The following MAP2K5 variants were observed in gnomAD, a reference collection of about 807,000 sequenced individuals.
The protein encoded by MAP2K5 is dual specificity mitogen-activated protein kinase kinase 5.
A neutral mutation model predicts 83.1 loss-of-function variants in MAP2K5; 49 were observed. The observed-to-expected ratio is 0.59, with a 90% CI of 0.47 to 0.75. MAP2K5 has a LOEUF of 0.75. MAP2K5 is among the 30% of genes least tolerant of loss of function. The pLI is 0.00. For synonymous variants in MAP2K5, 202 were observed against 191.8 expected, an observed-to-expected ratio of 1.05 and a Z score of -0.44; for missense variants, 457 against 557.5, an observed-to-expected ratio of 0.82 and a Z score of 1.82.
rs756483769 is a variant in MAP2K5, at chr15:67,769,619, A to C, written c.1152A>C (p.Pro384=). 6.2e-7 allele frequency: 1 copy of C among 1,613,750 alleles called. No homozygotes were observed. Reference sequence around the variant, plus strand: ...CATCACAGGATTCGCCCGTCCTTCCAGTTGGAGAGTTCTCGGAGCCATTTG... The same window carrying C: ...CATCACAGGATTCGCCCGTCCTTCCCGTTGGAGAGTTCTCGGAGCCATTTG... ...CIVDEDSPVL[P]VGEFSEPFVH... Residue 384 remains proline (P), a synonymous_variant, in exon 20 of 22, where the codon CCA becomes CCC. Transcript: ENST00000178640. The surrounding 1 kb of genome is among the most constrained non-coding windows in gnomAD (Gnocchi z 5.2).
intron 21 of MAP2K5, among the ~76,000 whole-genome samples, chr15:67,799,940 G>T (rs536009416): frequency 6.6e-6 from 1 of 152,188 alleles, no homozygotes; most frequent in Non-Finnish European, 1.5e-5. Flanking sequence ...CACGCAGAGT[G>T]GGGGGCGGTG....
chr15:67,737,921 G>A (rs1340616180), intron 17 of MAP2K5, among the ~76,000 whole-genome samples: 4 of 116,832 alleles, frequency 3.4e-5, no homozygotes, highest in Non-Finnish European at 6.5e-5. Context: ...GCATGATCTT[G>A]GCTCACTGCA....
intron 11 of MAP2K5, among the ~76,000 whole-genome samples, chr15:67,649,699 G>A (rs2086909050): frequency 6.6e-6 from 1 of 151,926 alleles, no homozygotes; most frequent in African/African-American, 2.4e-5. Context: ...GTCTATCTTT[G>A]TACCAGTACC....
At position 67,637,641 on chromosome 15, in the gene MAP2K5, C is replaced by T. The variant is rs1596697979; in HGVS notation, c.585+6714C>T. On this transcript the variant is annotated intron_variant, in intron 9 of 21. Transcript: ENST00000178640. This position sits in a 1 kb window ranked among gnomAD's most constrained non-coding sequence, Gnocchi z 4.5. ...TCAGCTGAAGACTCCAGGACCCCCT[C>T]GGCAGACCTCTGGAGCTCTCTCCCT... 6.6e-6 allele frequency among the ~76,000 whole-genome samples: 1 copy of T among 152,164 alleles called. No individual in the cohort carries two copies. Among genetic ancestry groups the T allele is most frequent in the East Asian group, 1.9e-4 (1 of 5,190 alleles).
intron 21 of MAP2K5, among the ~76,000 whole-genome samples, chr15:67,797,795 G>T (rs754571350): frequency 6.6e-6 from 1 of 152,038 alleles, no homozygotes; most frequent in Non-Finnish European, 1.5e-5. Context: ...CAGTTCTCCA[G>T]CCTCAGCCTC....
At chr15:67,696,127 CTTTT>C (rs66634396) in intron 15 of MAP2K5, among the ~76,000 whole-genome samples, 21 of 129,928 alleles carry the variant, frequency 1.6e-4, no homozygotes, top group Admixed American at 2.3e-4. Flanking sequence ...AAGAGCTGAG[CTTTT>C]TTTTTTTTTT....
chr15:67,626,316 A>G (rs1408795736), intron 8 of MAP2K5, among the ~76,000 whole-genome samples: 1 of 152,158 alleles, frequency 6.6e-6, no homozygotes, highest in African/African-American at 2.4e-5. Context: ...TGAGGTCAGA[A>G]GTTTGAGACC....
intron 8 of MAP2K5, among the ~76,000 whole-genome samples, chr15:67,617,825 G>A (rs2086088406): frequency 6.6e-6 from 1 of 152,018 alleles, no homozygotes; most frequent in Non-Finnish European, 1.5e-5. Context: ...CAAGTAGCTG[G>A]GACCACAGGC....
rs3784703 is a variant in MAP2K5, at chr15:67,736,584, C to G, written c.1074+8639C>G. On this transcript the variant is annotated intron_variant, in intron 17 of 21. Transcript: ENST00000178640. This position sits in a 1 kb window ranked among gnomAD's most constrained non-coding sequence, Gnocchi z 4.3. ...ATTTTTCTGATCCCACAAGAGCCTTCCTTTACAGACTTTCTTTTTTGAGTT... is the reference window on the plus strand; with the variant it reads ...ATTTTTCTGATCCCACAAGAGCCTTGCTTTACAGACTTTCTTTTTTGAGTT... Among the ~76,000 whole-genome samples the G allele has an allele frequency of 1.7e-4, 26 of 152,292 alleles. No homozygotes were observed. The East Asian group carries it at 2.7e-3, about 16-fold the overall frequency.
Position 67,720,529 on chromosome 15 carries a change from CA to C in MAP2K5, c.1045-7386del, listed in dbSNP as rs1446627506. 6.6e-6 allele frequency among the ~76,000 whole-genome samples: 1 copy of C among 152,094 alleles called. No homozygotes were observed. Among genetic ancestry groups the C allele is most frequent in the Non-Finnish European group, 1.5e-5 (1 of 67,998 alleles). On this transcript the variant is annotated intron_variant, in intron 16 of 21. Coordinates refer to ENST00000178640, the MANE Select transcript of MAP2K5 (RefSeq NM_145160.3). The surrounding 1 kb of genome is among the most constrained non-coding windows in gnomAD (Gnocchi z 5.7). ...AAATCTACTTTTTATCATCTTTACCCAGCCATCAGAATGAAGAAAGACAGTG... is the reference window on the plus strand; with the variant it reads ...AAATCTACTTTTTATCATCTTTACCCGCCATCAGAATGAAGAAAGACAGTG...
intron 8 of MAP2K5, among the ~76,000 whole-genome samples, chr15:67,617,730 C>T (rs1468135491): frequency 6.6e-6 from 1 of 152,146 alleles, no homozygotes; most frequent in Admixed American, 6.6e-5. Flanking sequence ...CTCACTCTGT[C>T]ACCTAGGCTG....
At chr15:67,626,213 C>A (rs1175360751) in intron 8 of MAP2K5, among the ~76,000 whole-genome samples, 1 of 152,206 alleles carries the variant, frequency 6.6e-6, no homozygotes, top group Non-Finnish European at 1.5e-5. Context: ...AATAAACTTA[C>A]TAATTTCCTT....
chr15:67,803,254 G>A (rs1294445161), intron 21 of MAP2K5, among the ~76,000 whole-genome samples: 3 of 152,222 alleles, frequency 2.0e-5, no homozygotes, highest in African/African-American at 7.2e-5. Flanking sequence ...CCTCCCAGCT[G>A]GACTTGGTAT....
intron 4 of MAP2K5, among the ~76,000 whole-genome samples, chr15:67,581,534 C>T (rs1017335742): frequency 6.6e-6 from 1 of 152,140 alleles, no homozygotes; most frequent in African/African-American, 2.4e-5. Flanking sequence ...TACATTGCCC[C>T]ACTTGGAATC....
Position 67,698,032 on chromosome 15 carries a change from CT to C in MAP2K5, c.972+4465del, listed in dbSNP as rs1420704799. The stretch of plus-strand genomic sequence containing the variant: ...GTGAAGTGTCATGCTCAAGGAAATA[CT>C]GTTTTTTAGGGGCAGATAATTAATA... On this transcript the variant is annotated intron_variant, in intron 15 of 21. Transcript: ENST00000178640. This position sits in a 1 kb window ranked among gnomAD's most constrained non-coding sequence, Gnocchi z 4.5. Among the ~76,000 whole-genome samples, 1 of 152,126 alleles carries C rather than the reference CT, an allele frequency of 6.6e-6. No homozygotes were observed. Among genetic ancestry groups the C allele is most frequent in the Non-Finnish European group, 1.5e-5 (1 of 68,022 alleles).
In MAP2K5 at chr15:67,792,827, C is replaced by T. The variant is rs190774768; in HGVS notation, c.1243-13819C>T. On this transcript the variant is annotated intron_variant, in intron 21 of 21. Coordinates refer to ENST00000178640, the MANE Select transcript of MAP2K5 (RefSeq NM_145160.3). ...GGTAAACTTGGGCCCAAAGCGGCCCCGTATGTCTTTAATGAATTCAGAGGA... is the reference window on the plus strand; with the variant it reads ...GGTAAACTTGGGCCCAAAGCGGCCCTGTATGTCTTTAATGAATTCAGAGGA... Among the ~76,000 whole-genome samples the T allele has an allele frequency of 4.3e-4, 65 of 152,296 alleles. 2 individuals carry two copies. The highest frequency in any genetic ancestry group is 6.8e-3 in the Middle Eastern group (2 of 294).
In MAP2K5 at chr15:67,802,842, T is replaced by C. The variant is rs979735596; in HGVS notation, c.1243-3804T>C. On this transcript the variant is annotated intron_variant, in intron 21 of 21. Transcript: ENST00000178640. This position sits in a 1 kb window ranked among gnomAD's most constrained non-coding sequence, Gnocchi z 5.0. ...TGCAAGAGCTTGCCTGCATCTGGATTCCTCTGCCTGGGAGGGATGTACATT... is the reference window on the plus strand; with the variant it reads ...TGCAAGAGCTTGCCTGCATCTGGATCCCTCTGCCTGGGAGGGATGTACATT... 6.6e-6 allele frequency among the ~76,000 whole-genome samples: 1 copy of C among 152,210 alleles called. No homozygotes were observed. Among genetic ancestry groups the C allele is most frequent in the African/African-American group, 2.4e-5 (1 of 41,454 alleles).
rs1026916610 is a variant in MAP2K5 at position 67,559,045 on chromosome 15, C to T, written c.185-4238C>T. Among the ~76,000 whole-genome samples, 1 of 152,220 alleles carries T rather than the reference C, an allele frequency of 6.6e-6. No homozygotes were observed. Among genetic ancestry groups the T allele is most frequent in the African/African-American group, 2.4e-5 (1 of 41,458 alleles). ...GATGTGGCCATGGAAAGTACGGCCT[C>T]TGGTCCTGCCCACGTCATTAACTCC... On this transcript the variant is annotated intron_variant, in intron 2 of 21. Transcript: ENST00000178640. This position sits in a 1 kb window ranked among gnomAD's most constrained non-coding sequence, Gnocchi z 4.7.
Position 67,797,935 on chromosome 15 carries a change from A to G in MAP2K5, c.1243-8711A>G, listed in dbSNP as rs552026094. Among the ~76,000 whole-genome samples the G allele has an allele frequency of 4.6e-5, 7 of 152,286 alleles. 1 individual carries two copies. The South Asian group carries it at 1.2e-3, about 27-fold the overall frequency. ...TGAGCTCAGGTGATCCACCCGCTTC[A>G]GCCTCCCAAAGTGCTGGGATTACAG... On this transcript the variant is annotated intron_variant, in intron 21 of 21. Transcript: ENST00000178640.
Sources: gnomAD v4.1 joint callset for allele counts (sites outside exome capture counted in the v4.1 genomes callset) on GRCh38, gnomAD v4.1.1 for gene constraint, Gnocchi (gnomAD v3.1) non-coding constraint, MANE v1.5 for transcripts, NCBI Gene and HGNC (gene_info 2026-07-23, HGNC 2026-07-21) for gene names.